The following MAF variants were observed in gnomAD, a reference collection of about 807,000 sequenced individuals.
MAF encodes the protein MAF bZIP transcription factor, also known as transcription factor Maf.
MAF carries 10 observed loss-of-function variants against 22.0 expected under a neutral mutation model. That is an observed-to-expected ratio of 0.45 (90% confidence interval 0.28 to 0.77). The LOEUF (loss-of-function observed/expected upper bound fraction) is 0.77. MAF is among the 30% of genes least tolerant of loss of function. The probability of loss-of-function intolerance (pLI) is 0.12; values close to 1 mark genes in which losing one functional copy is unlikely to be tolerated. For synonymous variants in MAF, 337 were observed against 255.8 expected (o/e 1.32, Z -3.03); for missense variants, 544 against 548.4 (o/e 0.99, Z 0.08).
the MAF span, among the ~76,000 whole-genome samples, chr16:79,307,067 A>G: frequency 6.6e-6 from 1 of 152,238 alleles, no homozygotes; most frequent in Admixed American, 6.5e-5. Context: ...TATGTTTGCA[A>G]AATGGATCCC....
the MAF span, among the ~76,000 whole-genome samples, chr16:79,488,372 G>T: frequency 6.6e-6 from 1 of 152,168 alleles, no homozygotes; most frequent in Non-Finnish European, 1.5e-5. Flanking sequence ...CAGGTAGGAG[G>T]CTCTGGGGCG....
chr16:79,493,676 GA>G, the MAF span, among the ~76,000 whole-genome samples: 1 of 152,180 alleles, frequency 6.6e-6, no homozygotes, highest in Admixed American at 6.5e-5. Context: ...ATTTCACTAA[GA>G]AGACAAAAGA....
At chr16:79,349,646 A>C in the MAF span, among the ~76,000 whole-genome samples, 1 of 152,158 alleles carries the variant, frequency 6.6e-6, no homozygotes, top group African/African-American at 2.4e-5. Context: ...AACCCAGAGG[A>C]TCATGCCCTT....
At chr16:79,257,101 C>G in the MAF span, among the ~76,000 whole-genome samples, 1 of 152,086 alleles carries the variant, frequency 6.6e-6, no homozygotes, top group African/African-American at 2.4e-5. Flanking sequence ...TGCTTGAACT[C>G]AGGAGATGGA....
chr16:79,559,331 A>C, the MAF span, among the ~76,000 whole-genome samples: 1 of 152,182 alleles, frequency 6.6e-6, no homozygotes, highest in Non-Finnish European at 1.5e-5. Context: ...AAGAACGAAA[A>C]GGCCCCAGTT....
At chr16:79,548,025 C>CA in the MAF span, among the ~76,000 whole-genome samples, 5 of 152,102 alleles carry the variant, frequency 3.3e-5, no homozygotes, top group South Asian at 2.1e-4. Flanking sequence ...TTCACACACA[C>CA]AAAAAACTGA....
chr16:79,453,712 T>A, the MAF span, among the ~76,000 whole-genome samples: 1 of 152,218 alleles, frequency 6.6e-6, no homozygotes, highest in Admixed American at 6.5e-5. Context: ...AGTAGCTATC[T>A]TGAGGGTGAT....
At chr16:79,519,664 C>T in the MAF span, among the ~76,000 whole-genome samples, 11 of 152,318 alleles carry the variant, frequency 7.2e-5, no homozygotes, top group East Asian at 1.9e-4. Context: ...CCAAGCCAGG[C>T]GACACTGCTC....
chr16:79,483,728 CAT>C, the MAF span, among the ~76,000 whole-genome samples: 1 of 152,028 alleles, frequency 6.6e-6, no homozygotes, highest in Non-Finnish European at 1.5e-5. Flanking sequence ...GTATGGCAGG[CAT>C]AGAGAGAGAG....
chr16:79,479,852 T>A, the MAF span, among the ~76,000 whole-genome samples: 1 of 152,196 alleles, frequency 6.6e-6, no homozygotes. Flanking sequence ...AAATTGTCAC[T>A]TGGGTCAAAT....
chr16:79,566,091 C>G, the MAF span, among the ~76,000 whole-genome samples: 1 of 152,128 alleles, frequency 6.6e-6, no homozygotes, highest in Non-Finnish European at 1.5e-5. Flanking sequence ...CAAACAAAAC[C>G]CAACCAACTC....
chr16:79,565,236 T>C, the MAF span, among the ~76,000 whole-genome samples: 2 of 152,122 alleles, frequency 1.3e-5, no homozygotes, highest in Admixed American at 6.5e-5. Context: ...CAATTACCTG[T>C]TTTTGTGGAA....
the MAF span, among the ~76,000 whole-genome samples, chr16:79,321,763 G>T: frequency 6.9e-6 from 1 of 144,390 alleles, no homozygotes; most frequent in Non-Finnish European, 1.5e-5. Context: ...ACATTCTCCT[G>T]CCTCAGCCTC....
the MAF span, among the ~76,000 whole-genome samples, chr16:79,370,989 G>T: frequency 6.6e-6 from 1 of 152,196 alleles, no homozygotes; most frequent in African/African-American, 2.4e-5. Flanking sequence ...CCATTTTATT[G>T]TAGCTCTCAA....
At chr16:79,482,494 C>G in the MAF span, among the ~76,000 whole-genome samples, 1 of 152,154 alleles carries the variant, frequency 6.6e-6, no homozygotes, top group East Asian at 1.9e-4. Context: ...TAAAACACAG[C>G]CTGCCAGCTT....
the MAF span, among the ~76,000 whole-genome samples, chr16:79,554,199 G>A: frequency 6.6e-6 from 1 of 152,202 alleles, no homozygotes; most frequent in Admixed American, 6.5e-5. Flanking sequence ...CAACTACACA[G>A]ATTGCAGTAG....
the MAF span, among the ~76,000 whole-genome samples, chr16:79,276,722 G>A: frequency 1.3e-5 from 2 of 152,160 alleles, no homozygotes; most frequent in Non-Finnish European, 2.9e-5. Flanking sequence ...CATTGATGAT[G>A]AAAAGGATAA....
the MAF span, among the ~76,000 whole-genome samples, chr16:79,371,258 G>C: frequency 6.6e-6 from 1 of 152,112 alleles, no homozygotes; most frequent in Non-Finnish European, 1.5e-5. Flanking sequence ...TCCCAGAGTA[G>C]TGTTTCAAAA....
the MAF span, among the ~76,000 whole-genome samples, chr16:79,524,298 T>G: frequency 2.6e-5 from 4 of 152,210 alleles, no homozygotes; most frequent in Admixed American, 1.3e-4. Flanking sequence ...CTTGCTCAGA[T>G]TGCCTGCTCC....
Sources: allele counts gnomAD v4.1 joint callset (sites outside exome capture counted in the v4.1 genomes callset), GRCh38; gene constraint gnomAD v4.1.1; transcripts MANE v1.5; gene names NCBI Gene and HGNC (gene_info 2026-07-23, HGNC 2026-07-21).